The following SLC30A6 variants were observed in gnomAD, a reference collection of about 807,000 sequenced individuals.
The protein encoded by SLC30A6 is zinc transporter 6.
SLC30A6 carries 55 observed loss-of-function variants against 63.0 expected under a neutral mutation model. The ratio of observed to expected loss-of-function variants is 0.87; its 90% CI spans 0.70 to 1.09. SLC30A6 has a LOEUF of 1.09. Among genes scored for constraint, SLC30A6 ranks in the 50% least tolerant of loss-of-function variants. SLC30A6 has a pLI of 0.00. For synonymous variants in SLC30A6, 224 were observed against 186.1 expected (o/e 1.20, Z -1.66); for missense variants, 587 against 549.2 (o/e 1.07, Z -0.69).
chr2:32,167,209 G>A (rs1210020507), intron 1 of SLC30A6, among the ~76,000 whole-genome samples: 1 of 152,040 alleles, frequency 6.6e-6, no homozygotes, highest in Non-Finnish European at 1.5e-5. Flanking sequence ...CCGAGCAGCT[G>A]GGATTACAGG....
intron 4 of SLC30A6, among the ~76,000 whole-genome samples, chr2:32,183,811 A>G (rs1194619166): frequency 6.6e-6 from 1 of 152,132 alleles, no homozygotes; most frequent in Admixed American, 6.6e-5. Context: ...TGAATCTACT[A>G]TAGTTGGAAA....
At chr2:32,202,203 T>G in intron 10 of SLC30A6, 1 of 817,532 alleles carries the variant, frequency 1.2e-6, no homozygotes, top group Admixed American at 2.6e-5. Context: ...CTGTTCAAGT[T>G]AAGACCTTTG....
intron 1 of SLC30A6, among the ~76,000 whole-genome samples, chr2:32,169,080 C>T (rs981772940): frequency 2.6e-5 from 4 of 151,850 alleles, no homozygotes; most frequent in African/African-American, 9.7e-5. Context: ...TCTTTGGAAC[C>T]AAAATAACTC....
chr2:32,176,485 C>T (rs1302761809), intron 4 of SLC30A6, among the ~76,000 whole-genome samples: 2 of 151,656 alleles, frequency 1.3e-5, no homozygotes, highest in Non-Finnish European at 2.9e-5. Flanking sequence ...GGTGAAACCC[C>T]GTCTCTACTA....
intron 13 of SLC30A6, among the ~76,000 whole-genome samples, chr2:32,211,229 A>C (rs1017317196): frequency 1.3e-5 from 2 of 152,140 alleles, no homozygotes; most frequent in South Asian, 4.1e-4. Context: ...TACATCATCG[A>C]ATAACCTAGT....
intron 10 of SLC30A6, among the ~76,000 whole-genome samples, chr2:32,201,403 T>C (rs920180224): frequency 6.6e-6 from 1 of 152,178 alleles, no homozygotes; most frequent in Non-Finnish European, 1.5e-5. Context: ...TGAAGTCTTA[T>C]TAGAAATAAT....
Position 32,174,393 on chromosome 2 carries a change from A to G in SLC30A6, c.175+246A>G, listed in dbSNP as rs183378245. 5.9e-3 allele frequency among the ~76,000 whole-genome samples: 895 copies of G among 152,086 alleles called. 11 individuals carry two copies. The highest frequency in any genetic ancestry group is 0.02 in the African/African-American group (837 of 41,472). On this transcript the variant is annotated intron_variant, in intron 3 of 13. Transcript: ENST00000282587. The stretch of plus-strand genomic sequence containing the variant: ...TTTAAAACAGAAATGGGGTTTCGCC[A>G]TGTTGCCCAGGCTGGTCTCAAAATC...
chr2:32,170,931 A>G (rs1210322730), intron 1 of SLC30A6, among the ~76,000 whole-genome samples: 2 of 152,204 alleles, frequency 1.3e-5, no homozygotes, highest in Non-Finnish European at 2.9e-5. Context: ...AATTTTCAGT[A>G]GAAATTTCCA....
intron 3 of SLC30A6, 37 bp downstream of exon 3, chr2:32,174,184 T>C (rs1681495687): frequency 1.4e-6 from 2 of 1,478,382 alleles, no homozygotes; most frequent in African/African-American, 1.4e-5. Flanking sequence ...GTTGTTATTT[T>C]TACTTTTATT....
chr2:32,168,012 C>T (rs1321676206), intron 1 of SLC30A6, among the ~76,000 whole-genome samples: 3 of 152,154 alleles, frequency 2.0e-5, no homozygotes, highest in African/African-American at 7.2e-5. Flanking sequence ...TGTAGCGTGC[C>T]TGGCCCAGAG....
intron 13 of SLC30A6, among the ~76,000 whole-genome samples, chr2:32,219,066 T>C (rs993545023): frequency 3.9e-5 from 6 of 152,198 alleles, no homozygotes; most frequent in Admixed American, 2.6e-4. Context: ...TCTTCCCTTC[T>C]TCTCTTCCCA....
chr2:32,188,708 A>T (rs1341112345), intron 5 of SLC30A6, among the ~76,000 whole-genome samples: 1 of 152,122 alleles, frequency 6.6e-6, no homozygotes, highest in African/African-American at 2.4e-5. Context: ...AATTTCATAG[A>T]AGTAGGGACC....
chr2:32,175,254 G>T, intron 3 of SLC30A6, 65 bp from the exon 4 acceptor site: 1 of 1,494,786 alleles, frequency 6.7e-7, no homozygotes, highest in Admixed American at 1.8e-5. Context: ...AATAATTTTG[G>T]TAACTTGCTG....
In SLC30A6 at chr2:32,197,728, A is replaced by G. The variant is rs758467621; in HGVS notation, c.567A>G (p.Gly189=). Residue 189 remains glycine (G), a synonymous_variant, in exon 10 of 14, where the codon GGA becomes GGG. Transcript: ENST00000282587. ...TTAGCTTGTGTGGAATTATTCCGGG[A>G]CTTAGCAGTATCTTCCTTCCCCGAA... is the stretch of plus-strand genomic sequence containing the variant. ...LSRSLCGIIP[G]LSSIFLPRMN... 3 of 1,614,108 alleles carry G rather than the reference A, an allele frequency of 1.9e-6. No homozygotes were observed. The highest frequency in any genetic ancestry group is 1.1e-5 in the South Asian group (1 of 91,082).
chr2:32,204,570 G>T lies in SLC30A6; in HGVS notation c.666-20G>T, dbSNP rs1346374437. On this transcript the variant is annotated intron_variant, in intron 10 of 13. Transcript: ENST00000282587. ...CAGTGAGATATAAATTTAAAATTTA[G>T]AATTGTTTTTTCCTTTTAGTAATTA... 1.9e-6 allele frequency: 3 copies of T among 1,540,194 alleles called. No homozygotes were observed. The East Asian group carries it at 6.8e-5, about 35-fold the overall frequency.
chr2:32,175,299 AT>A lies in SLC30A6; in HGVS notation c.176-13del. 6.2e-7 allele frequency: 1 copy of A among 1,608,100 alleles called. No homozygotes were observed. On this transcript the variant is annotated intron_variant, in intron 3 of 13. Coordinates refer to ENST00000282587, the MANE Select transcript of SLC30A6 (RefSeq NM_017964.5). ...AGAGGGGTCAGTAATACTTTTAATCATTTTTTTGTTGTTTTGCAGCTTTAAC... is the reference window on the plus strand; with the variant it reads ...AGAGGGGTCAGTAATACTTTTAATCATTTTTTGTTGTTTTGCAGCTTTAAC...
chr2:32,215,601 GA>G (rs1249665774), intron 13 of SLC30A6, among the ~76,000 whole-genome samples: 1 of 149,194 alleles, frequency 6.7e-6, no homozygotes, highest in Non-Finnish European at 1.5e-5. Flanking sequence ...TCATAAAAAA[GA>G]GAGTAAATAT....
chr2:32,199,987 C>T (rs1442667996), intron 10 of SLC30A6, among the ~76,000 whole-genome samples: 5 of 152,010 alleles, frequency 3.3e-5, no homozygotes, highest in African/African-American at 1.2e-4. Flanking sequence ...TGGTGATGCA[C>T]ACCTGTAATC....
intron 9 of SLC30A6, 146 bp from the exon 10 acceptor site, chr2:32,197,561 A>G: frequency 3.8e-6 from 5 of 1,328,446 alleles, no homozygotes; most frequent in Non-Finnish European, 5.2e-6. Flanking sequence ...AACTTTATAA[A>G]TGAAAGGGCT....
Sources: allele counts gnomAD v4.1 joint callset (sites outside exome capture counted in the v4.1 genomes callset), GRCh38; gene constraint gnomAD v4.1.1; transcripts MANE v1.5; gene names NCBI Gene and HGNC (gene_info 2026-07-23, HGNC 2026-07-21).